CCBE1: variants seen among roughly 807,000 people sequenced by gnomAD.
The protein encoded by CCBE1 is collagen and calcium-binding EGF domain-containing protein 1.
A neutral mutation model predicts 50.0 loss-of-function variants in CCBE1; 37 were observed. The observed-to-expected ratio is 0.74, with a 90% CI of 0.57 to 0.97. CCBE1 has a LOEUF of 0.97. CCBE1 is among the 50% of genes least tolerant of loss of function. The pLI is 0.00. For synonymous variants in CCBE1, 234 were observed against 203.7 expected, an observed-to-expected ratio of 1.15 and a Z score of -1.27; for missense variants, 538 against 523.8, an observed-to-expected ratio of 1.03 and a Z score of -0.26.
chr18:59,469,480 G>A lies in CCBE1; in HGVS notation c.393C>T (p.Tyr131=). The A allele has an allele frequency of 6.2e-7, 1 of 1,614,208 alleles. No homozygotes were observed. Among genetic ancestry groups the A allele is most frequent in the Non-Finnish European group, 8.5e-7 (1 of 1,180,034 alleles). ...RERHRKREKP[Y]CLDIDECASS... is the part of the protein sequence containing the mutation. ...AGCACATTCCCAACACACCCAGACA[G>A]TATGGCTTCTCCCGCTTCCGGTGTC... is the stretch of plus-strand genomic sequence containing the variant. Residue 131 remains tyrosine (Y), a synonymous_variant, in exon 4 of 11, where the codon TAC becomes TAT. Coordinates refer to ENST00000439986, the MANE Select transcript of CCBE1 (RefSeq NM_133459.4).
chr18:59,494,883 G>T (rs1040013466), intron 2 of CCBE1, among the ~76,000 whole-genome samples: 1 of 152,214 alleles, frequency 6.6e-6, no homozygotes, highest in Non-Finnish European at 1.5e-5. Flanking sequence ...ACCAGGTGCT[G>T]TGGCTCACGC....
intron 2 of CCBE1, among the ~76,000 whole-genome samples, chr18:59,672,258 A>T (rs1420733383): frequency 6.6e-6 from 1 of 152,172 alleles, no homozygotes; most frequent in Non-Finnish European, 1.5e-5. Flanking sequence ...TGCAGATGAC[A>T]GTGGTAGATG....
At chr18:59,532,621 C>T (rs949209) in intron 2 of CCBE1, among the ~76,000 whole-genome samples, 11,537 of 152,238 alleles carry the variant, frequency 0.076, 1,009 homozygotes, top group East Asian at 0.42. Context: ...TCCTCAAAAT[C>T]CTATGATGTT....
At chr18:59,467,636 G>A (rs1911815383) in intron 4 of CCBE1, among the ~76,000 whole-genome samples, 1 of 152,140 alleles carries the variant, frequency 6.6e-6, no homozygotes, top group Non-Finnish European at 1.5e-5. Flanking sequence ...AAACAAAAAC[G>A]TTTCCCACCA....
At chr18:59,558,205 T>C (rs1410215892) in intron 2 of CCBE1, among the ~76,000 whole-genome samples, 3 of 152,202 alleles carry the variant, frequency 2.0e-5, no homozygotes, top group South Asian at 2.1e-4. Flanking sequence ...GAAACTGAAG[T>C]CCACTTTGAA....
intron 2 of CCBE1, among the ~76,000 whole-genome samples, chr18:59,629,032 T>G (rs951118357): frequency 2.6e-5 from 4 of 152,272 alleles, no homozygotes; most frequent in African/African-American, 9.6e-5. Flanking sequence ...CTAGGATGTA[T>G]GCACAGCCAG....
At chr18:59,674,778 G>A (rs1054304843) in intron 2 of CCBE1, among the ~76,000 whole-genome samples, 2 of 152,154 alleles carry the variant, frequency 1.3e-5, no homozygotes, top group African/African-American at 4.8e-5. Context: ...AAGATATCTT[G>A]TGTAATCCAC....
rs1910014780 is a variant in CCBE1 at position 59,433,522 on chromosome 18, T to C, written c.*2386A>G. 6.6e-6 allele frequency: 1 copy of C among 152,174 alleles called. No homozygotes were observed. Among genetic ancestry groups the C allele is most frequent in the Non-Finnish European group, 1.5e-5 (1 of 68,046 alleles). The allele number at this position is 152,174 out of a possible 1,614,324, so 9.4% of individuals were successfully genotyped here. On this transcript the variant is annotated 3_prime_UTR_variant, in exon 11 of 11. Coordinates refer to ENST00000439986, the MANE Select transcript of CCBE1 (RefSeq NM_133459.4). ...GTGGTAGGAAGAAGGGAAGGAAGAC[T>C]GTTGCCACTAGAGGTTTGCAAAGCC...
chr18:59,629,103 G>A (rs1039855553), intron 2 of CCBE1, among the ~76,000 whole-genome samples: 1 of 152,078 alleles, frequency 6.6e-6, no homozygotes, highest in Non-Finnish European at 1.5e-5. Context: ...AACTCTCCAA[G>A]GGCTCCCATG....
At chr18:59,651,026 T>G (rs1265717980) in intron 2 of CCBE1, among the ~76,000 whole-genome samples, 25 of 152,258 alleles carry the variant, frequency 1.6e-4, no homozygotes, top group Non-Finnish European at 4.4e-5. Flanking sequence ...TATTAAGAAC[T>G]AACCTTTTCC....
intron 2 of CCBE1, chr18:59,685,892 G>C (rs2054647551): frequency 6.6e-6 from 1 of 152,222 alleles, no homozygotes. Flanking sequence ...AATTGTGATT[G>C]GGTAGGTCTG....
chr18:59,579,246 GAAAAC>G (rs1234836092), intron 2 of CCBE1, among the ~76,000 whole-genome samples: 1 of 152,052 alleles, frequency 6.6e-6, no homozygotes, highest in Non-Finnish European at 1.5e-5. Context: ...AAGTAGCTGG[GAAAAC>G]AAAAGAAATA....
At chr18:59,553,700 T>G (rs1916010798) in intron 2 of CCBE1, among the ~76,000 whole-genome samples, 1 of 152,234 alleles carries the variant, frequency 6.6e-6, no homozygotes, top group Non-Finnish European at 1.5e-5. Flanking sequence ...CTTCTGCTAC[T>G]GAGCCAAAAA....
At chr18:59,469,449 G>T (rs1267152180) in intron 4 of CCBE1, 24 bp downstream of exon 4, 1 of 1,614,130 alleles carries the variant, frequency 6.2e-7, no homozygotes, top group Non-Finnish European at 8.5e-7. Flanking sequence ...TCAGAAGCTG[G>T]AAACAAGCAC....
At chr18:59,610,837 C>T (rs1267530410) in intron 2 of CCBE1, among the ~76,000 whole-genome samples, 1 of 152,224 alleles carries the variant, frequency 6.6e-6, no homozygotes, top group Non-Finnish European at 1.5e-5. Flanking sequence ...CAGGATGCAG[C>T]TCCCATCTGC....
At chr18:59,626,653 C>G (rs1164054825) in intron 2 of CCBE1, among the ~76,000 whole-genome samples, 1 of 152,276 alleles carries the variant, frequency 6.6e-6, no homozygotes, top group Non-Finnish European at 1.5e-5. Context: ...AGAGGCTTAT[C>G]ACCTGGCCCA....
intron 2 of CCBE1, among the ~76,000 whole-genome samples, chr18:59,565,859 A>G (rs2052816944): frequency 6.6e-6 from 1 of 152,054 alleles, no homozygotes; most frequent in Non-Finnish European, 1.5e-5. Context: ...AGAAAATCGA[A>G]TGCAAAACTC....
At chr18:59,596,336 T>C (rs2144548878) in intron 2 of CCBE1, among the ~76,000 whole-genome samples, 1 of 152,344 alleles carries the variant, frequency 6.6e-6, no homozygotes, top group East Asian at 1.9e-4. Flanking sequence ...GTCTACTTTT[T>C]AAAAATAATT....
chr18:59,507,930 C>T (rs1454668989), intron 2 of CCBE1, among the ~76,000 whole-genome samples: 2 of 147,692 alleles, frequency 1.4e-5, no homozygotes, highest in African/African-American at 5.0e-5. Context: ...CTCCCTCTGT[C>T]ACCAGGCTGA....
Sources: gnomAD v4.1 joint callset for allele counts (sites outside exome capture counted in the v4.1 genomes callset) on GRCh38, gnomAD v4.1.1 for gene constraint, MANE v1.5 for transcripts, NCBI Gene and HGNC (gene_info 2026-07-23, HGNC 2026-07-21) for gene names.